FMN1: variants seen among roughly 807,000 people sequenced by gnomAD.
FMN1 encodes the protein formin-1.
In FMN1, 110 loss-of-function variants were observed where a neutral mutation model predicts 132.4. The ratio of observed to expected loss-of-function variants is 0.83; its 90% CI spans 0.71 to 0.97. FMN1 has a LOEUF of 0.97. FMN1 is among the 50% of genes least tolerant of loss of function. The pLI is 0.00. For synonymous variants in FMN1, 722 were observed against 651.7 expected (o/e 1.11, Z -1.64); for missense variants, 1,792 against 1,705.3 (o/e 1.05, Z -0.90).
intron 2 of FMN1, among the ~76,000 whole-genome samples, chr15:33,191,546 G>A (rs1047612117): frequency 6.6e-5 from 10 of 152,218 alleles, no homozygotes; most frequent in East Asian, 1.9e-4. Flanking sequence ...TGCTGAAAGC[G>A]TAGATAAGCA....
At position 33,008,061 on chromosome 15, in the gene FMN1, T is replaced by C. The variant is rs779677523; in HGVS notation, c.2176A>G (p.Ile726Val). 1.1e-5 allele frequency: 17 copies of C among 1,597,636 alleles called. No individual in the cohort carries two copies. The highest frequency in any genetic ancestry group is 1.5e-5 in the Non-Finnish European group (17 of 1,171,028). Residue 726 changes from isoleucine (I) to valine (V), a missense_variant, in exon 7 of 21, where the codon ATT becomes GTT. Ile to Val is a conservative substitution (Grantham distance 29). Coordinates refer to ENST00000616417, the MANE Select transcript of FMN1 (RefSeq NM_001277313.2). ...TTGTGCTCCCTCTTCAAGTGTAAAA[T>C]AGCAGCTTGGTATTCTGTAAAATCA... ...KYTEAEYQAA[I>V]LHLKREHKEE...
chr15:32,860,930 C>G (rs967500008), intron 16 of FMN1: 1 of 152,130 alleles, frequency 6.6e-6, no homozygotes, highest in Admixed American at 6.5e-5. Context: ...GGGTAGTTCT[C>G]AAGGTAGGCA....
chr15:32,816,298 T>A (rs1254905302), intron 17 of FMN1, among the ~76,000 whole-genome samples: 1 of 152,144 alleles, frequency 6.6e-6, no homozygotes, highest in Non-Finnish European at 1.5e-5. Flanking sequence ...GACAAAATTA[T>A]AAATAAAGAA....
intron 4 of FMN1, among the ~76,000 whole-genome samples, chr15:33,121,535 G>C (rs918928238): frequency 6.6e-6 from 1 of 151,750 alleles, no homozygotes; most frequent in Non-Finnish European, 1.5e-5. Context: ...GTTTTGTTTT[G>C]TTTGTTTTGT....
At chr15:32,977,845 A>T (rs1042592136) in intron 7 of FMN1, among the ~76,000 whole-genome samples, 2 of 152,074 alleles carry the variant, frequency 1.3e-5, no homozygotes, top group Non-Finnish European at 2.9e-5. Context: ...ATAAGTATGC[A>T]ATTTAGATAC....
rs559895430 is a variant in FMN1, at chr15:32,828,641, A to C, written c.3929-24309T>G. Among the ~76,000 whole-genome samples the C allele has an allele frequency of 8.3e-4, 126 of 152,324 alleles. No individual in the cohort carries two copies. In the South Asian group the frequency reaches 0.024, roughly 29 times the overall value. ...GGATGATTCAAAAAAGAGGCTACTC[A>C]TCTCCCCTGAGGATGAAAGATAAAC... On this transcript the variant is annotated intron_variant, in intron 17 of 20. Coordinates refer to ENST00000616417, the MANE Select transcript of FMN1 (RefSeq NM_001277313.2).
At chr15:33,193,666 G>C (rs916448449) in intron 2 of FMN1, among the ~76,000 whole-genome samples, 1 of 152,160 alleles carries the variant, frequency 6.6e-6, no homozygotes, top group Non-Finnish European at 1.5e-5. Context: ...CATTCGGAGT[G>C]TGTGAGTGCT....
chr15:32,983,661 C>T (rs758304558), intron 7 of FMN1, among the ~76,000 whole-genome samples: 82 of 148,194 alleles, frequency 5.5e-4, no homozygotes, highest in African/African-American at 1.5e-3. Flanking sequence ...GCAACAAAAT[C>T]TCTCTCTGTT....
At chr15:33,127,590 A>AATT (rs1395658373) in intron 4 of FMN1, among the ~76,000 whole-genome samples, 1 of 152,210 alleles carries the variant, frequency 6.6e-6, no homozygotes, top group African/African-American at 2.4e-5. Context: ...AAGCATCCTA[A>AATT]AGCTAGTCAA....
intron 4 of FMN1, among the ~76,000 whole-genome samples, chr15:33,093,641 T>C (rs546459405): frequency 2.6e-5 from 4 of 152,200 alleles, no homozygotes; most frequent in Non-Finnish European, 4.4e-5. Flanking sequence ...GAAGGTGTGG[T>C]ATCTATCCAC....
chr15:33,034,156 ATG>A (rs2036081008), intron 6 of FMN1, among the ~76,000 whole-genome samples: 1 of 152,126 alleles, frequency 6.6e-6, no homozygotes. Flanking sequence ...ATAAATCCAA[ATG>A]TCTGCTCAAC....
chr15:32,949,853 G>A (rs1433384719), intron 9 of FMN1, among the ~76,000 whole-genome samples: 2 of 141,788 alleles, frequency 1.4e-5, no homozygotes, highest in Admixed American at 7.2e-5. Context: ...TGAAACAAAT[G>A]TACAAGAAAA....
chr15:32,907,822 T>C (rs2060463738), intron 12 of FMN1, among the ~76,000 whole-genome samples: 1 of 150,802 alleles, frequency 6.6e-6, no homozygotes, highest in Admixed American at 6.6e-5. Context: ...TCCTAAGCCC[T>C]GGAAAGCTGG....
At chr15:32,996,991 T>C (rs180790311) in intron 7 of FMN1, among the ~76,000 whole-genome samples, 1 of 151,934 alleles carries the variant, frequency 6.6e-6, no homozygotes, top group Admixed American at 6.5e-5. Context: ...AACGAAGAAG[T>C]AAGGAGCTGG....
intron 7 of FMN1, among the ~76,000 whole-genome samples, chr15:32,988,871 C>G (rs1461742718): frequency 6.6e-6 from 1 of 152,186 alleles, no homozygotes; most frequent in Admixed American, 6.5e-5. Context: ...CAAAATATCA[C>G]AAATTCAAGT....
intron 17 of FMN1, among the ~76,000 whole-genome samples, chr15:32,836,698 T>G (rs573516058): frequency 6.6e-6 from 1 of 151,896 alleles, no homozygotes; most frequent in Non-Finnish European, 1.5e-5. Context: ...GTCTCTCTCT[T>G]TTTTTTTAGA....
At chr15:32,871,132 C>T (rs1243457431) in intron 16 of FMN1, among the ~76,000 whole-genome samples, 2 of 152,042 alleles carry the variant, frequency 1.3e-5, no homozygotes, top group Non-Finnish European at 2.9e-5. Context: ...AACTCATCTT[C>T]GGGAGGAGAG....
intron 17 of FMN1, among the ~76,000 whole-genome samples, chr15:32,849,730 C>T (rs1404153631): frequency 6.6e-6 from 1 of 152,030 alleles, no homozygotes; most frequent in African/African-American, 2.4e-5. Context: ...GATCTCAGCT[C>T]ACTGCAACCT....
intron 7 of FMN1, 80 bp downstream of exon 7, chr15:33,007,932 TAA>T: frequency 8.2e-7 from 1 of 1,215,432 alleles, no homozygotes; most frequent in South Asian, 1.3e-5. Context: ...CACTTCAACT[TAA>T]GAGGAATATT....
Sources: gnomAD v4.1 joint callset for allele counts (sites outside exome capture counted in the v4.1 genomes callset) on GRCh38, gnomAD v4.1.1 for gene constraint, MANE v1.5 for transcripts, NCBI Gene and HGNC (gene_info 2026-07-23, HGNC 2026-07-21) for gene names.